The following PRKD1 variants were observed in gnomAD, a reference collection of about 807,000 sequenced individuals.
PRKD1 encodes protein kinase D1, also known as serine/threonine-protein kinase D1.
A neutral mutation model predicts 95.9 loss-of-function variants in PRKD1; 63 were observed. The observed-to-expected ratio is 0.66, with a 90% CI of 0.54 to 0.81. The LOEUF is 0.81. Among genes scored for constraint, PRKD1 ranks in the 30% least tolerant of loss-of-function variants. PRKD1 has a pLI of 0.00. For missense variants in PRKD1, 1,048 were observed against 1,165.3 expected (o/e 0.90, Z 1.47); for synonymous variants, 425 against 423.1 (o/e 1.00, Z -0.05).
At chr14:29,706,463 G>C (rs1426132251) in intron 2 of PRKD1, among the ~76,000 whole-genome samples, 1 of 152,068 alleles carries the variant, frequency 6.6e-6, no homozygotes, top group Non-Finnish European at 1.5e-5. Flanking sequence ...GCAGTGACAA[G>C]TAATAATGAT....
chr14:29,601,811 T>C (rs1201126619), intron 13 of PRKD1, among the ~76,000 whole-genome samples: 1 of 152,220 alleles, frequency 6.6e-6, no homozygotes, highest in Non-Finnish European at 1.5e-5. Context: ...TCTCATTTCC[T>C]TTTCCTTACA....
At chr14:29,834,491 G>A (rs775638261) in intron 1 of PRKD1, among the ~76,000 whole-genome samples, 6 of 151,848 alleles carry the variant, frequency 4.0e-5, no homozygotes, top group Non-Finnish European at 7.4e-5. Context: ...TAAATTCTGG[G>A]TTTAGCTAGC....
intron 1 of PRKD1, among the ~76,000 whole-genome samples, chr14:29,789,035 C>T (rs961319634): frequency 5.9e-5 from 9 of 151,942 alleles, no homozygotes; most frequent in East Asian, 1.9e-4. Flanking sequence ...TATAGGTGTG[C>T]GCTACTATGC....
chr14:29,631,051 T>G (rs1294055816), intron 9 of PRKD1, 30 bp from the exon 10 acceptor site: 1 of 1,558,598 alleles, frequency 6.4e-7, no homozygotes, highest in Admixed American at 1.8e-5. Context: ...CTAAATGTTG[T>G]TTATCAAAAG....
At chr14:29,754,560 T>C (rs959179284) in intron 1 of PRKD1, among the ~76,000 whole-genome samples, 6 of 152,122 alleles carry the variant, frequency 3.9e-5, no homozygotes, top group Non-Finnish European at 7.4e-5. Context: ...TAAAACAATT[T>C]TTCCAATTAT....
chr14:29,873,231 G>A (rs1274283129), intron 1 of PRKD1, among the ~76,000 whole-genome samples: 1 of 152,048 alleles, frequency 6.6e-6, no homozygotes, highest in Non-Finnish European at 1.5e-5. Flanking sequence ...GACTACAGGT[G>A]CCCGCCAACA....
chr14:29,635,038 A>G (rs1457164701), intron 7 of PRKD1, among the ~76,000 whole-genome samples: 1 of 151,960 alleles, frequency 6.6e-6, no homozygotes, highest in Non-Finnish European at 1.5e-5. Flanking sequence ...CATCTGAAAA[A>G]AAAAAAAATT....
At chr14:29,807,994 T>A (rs537195155) in intron 1 of PRKD1, among the ~76,000 whole-genome samples, 1 of 152,170 alleles carries the variant, frequency 6.6e-6, no homozygotes. Context: ...CCTGCTAGAG[T>A]TACAGGAGTG....
chr14:29,826,826 T>TACATATATATATACACATATATATATAC (rs1310237149), intron 1 of PRKD1, among the ~76,000 whole-genome samples: 17 of 21,196 alleles, frequency 8.0e-4, no homozygotes, highest in African/African-American at 3.3e-3. Context: ...CATATATATA[T>TACATATATATATACACATATATATATAC]ATATATATAT....
At position 29,578,312 on chromosome 14, in the gene PRKD1, T is replaced by C. The variant is rs1040250272; in HGVS notation, c.2483A>G (p.Tyr828Cys). ...NLLQVKMRKR[Y>C]SVDKTLSHPW... is the part of the protein sequence containing the mutation. ...GTGGCTCAAGGTCTTATCCACACTG[T>C]AGCGCTTTCTCATTTTTACTTGCAG... The change falls in exon 17 of 18, where the codon TAC (tyrosine) becomes TGC (cysteine). Residue 828 changes from tyrosine to cysteine, a missense_variant. Physicochemically the swap from Tyr to Cys is radical, Grantham distance 194. Coordinates refer to ENST00000331968, the MANE Select transcript of PRKD1 (RefSeq NM_002742.3). The C allele has an allele frequency of 1.2e-6, 2 of 1,611,320 alleles. No individual in the cohort carries two copies. Among genetic ancestry groups the C allele is most frequent in the South Asian group, 1.1e-5 (1 of 90,354 alleles).
intron 4 of PRKD1, among the ~76,000 whole-genome samples, chr14:29,648,947 C>T (rs763166990): frequency 6.6e-6 from 1 of 151,760 alleles, no homozygotes; most frequent in Non-Finnish European, 1.5e-5. Flanking sequence ...AGCCACCATG[C>T]CCGGCCTGGC....
At chr14:29,788,400 C>T (rs879490163) in intron 1 of PRKD1, among the ~76,000 whole-genome samples, 3 of 152,214 alleles carry the variant, frequency 2.0e-5, no homozygotes, top group Middle Eastern at 3.4e-3. Flanking sequence ...TTGGAGAAGA[C>T]CTTTTGGAAT....
At chr14:29,755,625 G>A (rs1887662823) in intron 1 of PRKD1, among the ~76,000 whole-genome samples, 1 of 152,064 alleles carries the variant, frequency 6.6e-6, no homozygotes, top group Non-Finnish European at 1.5e-5. Flanking sequence ...CTAAAACTTT[G>A]CTCCTAACTC....
intron 1 of PRKD1, among the ~76,000 whole-genome samples, chr14:29,875,558 CCT>C (rs1893257129): frequency 6.6e-6 from 1 of 152,010 alleles, no homozygotes; most frequent in Non-Finnish European, 1.5e-5. Flanking sequence ...ATTTTGACAG[CCT>C]TGACAAAAGA....
At chr14:29,719,449 T>C (rs1317384353) in intron 2 of PRKD1, among the ~76,000 whole-genome samples, 1 of 152,214 alleles carries the variant, frequency 6.6e-6, no homozygotes, top group Non-Finnish European at 1.5e-5. Flanking sequence ...CAATGGTCCC[T>C]GAAATATAAA....
intron 4 of PRKD1, among the ~76,000 whole-genome samples, chr14:29,660,744 C>T (rs1419568021): frequency 1.3e-5 from 2 of 152,064 alleles, no homozygotes; most frequent in East Asian, 3.9e-4. Flanking sequence ...ATGAGTAAAG[C>T]ATACAGAAAT....
At chr14:29,700,100 TTC>T (rs1491166418) in intron 2 of PRKD1, among the ~76,000 whole-genome samples, 2 of 152,068 alleles carry the variant, frequency 1.3e-5, no homozygotes, top group Admixed American at 1.3e-4. Context: ...CTTTTTTTTT[TTC>T]CCTTGCTGAA....
intron 1 of PRKD1, among the ~76,000 whole-genome samples, chr14:29,775,399 A>C (rs1172267541): frequency 1.3e-5 from 2 of 152,200 alleles, no homozygotes; most frequent in African/African-American, 4.8e-5. Flanking sequence ...TTTCCTAGCC[A>C]AGGGAAGCTG....
At chr14:29,808,341 T>C (rs979709002) in intron 1 of PRKD1, among the ~76,000 whole-genome samples, 2 of 148,704 alleles carry the variant, frequency 1.3e-5, no homozygotes, top group Non-Finnish European at 3.0e-5. Context: ...AATCATTAGA[T>C]TGCAGCAATT....
Sources: allele counts gnomAD v4.1 joint callset (sites outside exome capture counted in the v4.1 genomes callset), GRCh38; gene constraint gnomAD v4.1.1; transcripts MANE v1.5; gene names NCBI Gene and HGNC (gene_info 2026-07-23, HGNC 2026-07-21).